DRC11: variants seen among roughly 807,000 people sequenced by gnomAD.
DRC11 encodes IQ and AAA domain-containing protein 1.
the DRC11 span, among the ~76,000 whole-genome samples, chr2:236,407,188 A>C: frequency 7.2e-5 from 11 of 152,234 alleles, no homozygotes; most frequent in African/African-American, 2.4e-4. Context: ...GAAATACAAG[A>C]GATAGGAGAG....
At chr2:236,386,610 C>A in the DRC11 span, among the ~76,000 whole-genome samples, 2 of 152,114 alleles carry the variant, frequency 1.3e-5, no homozygotes, top group Non-Finnish European at 2.9e-5. Context: ...TTTCAAAAAA[C>A]CAGCTCCTGG....
the DRC11 span, among the ~76,000 whole-genome samples, chr2:236,342,570 C>T: frequency 6.6e-6 from 1 of 152,214 alleles, no homozygotes; most frequent in Non-Finnish European, 1.5e-5. The surrounding 1 kb of genome is among the most constrained non-coding windows in gnomAD (Gnocchi z 5.8). Flanking sequence ...ACTCTGCAGC[C>T]CTGCTCCCTG....
the DRC11 span, among the ~76,000 whole-genome samples, chr2:236,498,193 C>T: frequency 6.6e-6 from 1 of 151,290 alleles, no homozygotes; most frequent in African/African-American, 2.4e-5. Context: ...GCAGGCCAGG[C>T]GTGGTGGCTC....
chr2:236,353,961 T>C, the DRC11 span, among the ~76,000 whole-genome samples: 3 of 152,236 alleles, frequency 2.0e-5, no homozygotes, highest in Non-Finnish European at 4.4e-5. The surrounding 1 kb of genome is among the most constrained non-coding windows in gnomAD (Gnocchi z 5.0). Flanking sequence ...TATTTCCTTG[T>C]AATACCTTTT....
At chr2:236,364,782 C>A in the DRC11 span, among the ~76,000 whole-genome samples, 1 of 152,144 alleles carries the variant, frequency 6.6e-6, no homozygotes. Flanking sequence ...TGCGTTCTGT[C>A]ACTTAATGGG....
the DRC11 span, among the ~76,000 whole-genome samples, chr2:236,422,486 A>G: frequency 6.6e-6 from 1 of 152,240 alleles, no homozygotes; most frequent in African/African-American, 2.4e-5. Flanking sequence ...TAGGAATCCA[A>G]CTTACAAGGG....
the DRC11 span, among the ~76,000 whole-genome samples, chr2:236,350,313 C>T: frequency 6.6e-6 from 1 of 152,162 alleles, no homozygotes; most frequent in Non-Finnish European, 1.5e-5. This position sits in a 1 kb window ranked among gnomAD's most constrained non-coding sequence, Gnocchi z 5.2. Flanking sequence ...GAAGGAATTG[C>T]TCTCCCTAGT....
the DRC11 span, among the ~76,000 whole-genome samples, chr2:236,501,322 G>T: frequency 6.6e-6 from 1 of 152,130 alleles, no homozygotes; most frequent in South Asian, 2.1e-4. Flanking sequence ...GGAGAGTTGG[G>T]TGGGGACACA....
the DRC11 span, among the ~76,000 whole-genome samples, chr2:236,451,016 G>C: frequency 6.6e-6 from 1 of 152,136 alleles, no homozygotes; most frequent in Admixed American, 6.6e-5. Context: ...CAGAAACATA[G>C]TCCATTTCTC....
the DRC11 span, among the ~76,000 whole-genome samples, chr2:236,434,594 G>A: frequency 3.9e-5 from 6 of 152,168 alleles, no homozygotes; most frequent in African/African-American, 1.4e-4. This position sits in a 1 kb window ranked among gnomAD's most constrained non-coding sequence, Gnocchi z 5.5. Context: ...CAGGTCTAGT[G>A]TGTGGGGGAA....
the DRC11 span, chr2:236,343,556 G>T: frequency 2.4e-6 from 1 of 421,286 alleles, no homozygotes; most frequent in Non-Finnish European, 4.6e-6. This position sits in a 1 kb window ranked among gnomAD's most constrained non-coding sequence, Gnocchi z 6.6. Context: ...TGTCTGGTGG[G>T]AGAGGGAGTA....
At chr2:236,338,101 A>C in the DRC11 span, 35 of 1,146,218 alleles carry the variant, frequency 3.1e-5, no homozygotes, top group African/African-American at 4.7e-4. Flanking sequence ...GCTCCCCTCA[A>C]CTCATCTGGC....
the DRC11 span, among the ~76,000 whole-genome samples, chr2:236,375,831 A>G: frequency 5.9e-5 from 9 of 152,352 alleles, no homozygotes; most frequent in East Asian, 9.6e-4. This position sits in a 1 kb window ranked among gnomAD's most constrained non-coding sequence, Gnocchi z 4.2. Flanking sequence ...CAGAAGAATG[A>G]TATCTATTCA....
At chr2:236,442,650 C>T in the DRC11 span, among the ~76,000 whole-genome samples, 1 of 152,138 alleles carries the variant, frequency 6.6e-6, no homozygotes, top group Non-Finnish European at 1.5e-5. Flanking sequence ...GAAAACGATG[C>T]TTTGCAGAAT....
chr2:236,377,191 G>A, the DRC11 span: 5 of 1,585,248 alleles, frequency 3.2e-6, no homozygotes, highest in Non-Finnish European at 4.3e-6. The surrounding 1 kb of genome is among the most constrained non-coding windows in gnomAD (Gnocchi z 4.9). Flanking sequence ...TGGTCCTGGG[G>A]AGAAAGCAGA....
the DRC11 span, among the ~76,000 whole-genome samples, chr2:236,449,227 C>T: frequency 2.6e-5 from 4 of 152,136 alleles, no homozygotes; most frequent in Admixed American, 6.5e-5. This position sits in a 1 kb window ranked among gnomAD's most constrained non-coding sequence, Gnocchi z 5.1. Context: ...TGAACCTAAC[C>T]GTATGGGTAC....
chr2:236,344,563 T>A, the DRC11 span: 1 of 1,612,618 alleles, frequency 6.2e-7, no homozygotes, highest in Non-Finnish European at 8.5e-7. Context: ...TCACCATCTT[T>A]TCTGCGTTGG....
At chr2:236,407,874 T>C in the DRC11 span, 1 of 373,416 alleles carries the variant, frequency 2.7e-6, no homozygotes, top group African/African-American at 2.1e-5. Context: ...TGCAATTTGG[T>C]CTTTCTTGAG....
the DRC11 span, among the ~76,000 whole-genome samples, chr2:236,485,987 A>G: frequency 6.6e-6 from 1 of 152,190 alleles, no homozygotes; most frequent in African/African-American, 2.4e-5. Context: ...GGTGGCCCCT[A>G]TAACTTGCTT....
Sources: gnomAD v4.1 joint callset for allele counts (sites outside exome capture counted in the v4.1 genomes callset) on GRCh38, gnomAD v4.1.1 for gene constraint, Gnocchi (gnomAD v3.1) non-coding constraint, MANE v1.5 for transcripts, NCBI Gene and HGNC (gene_info 2026-07-23, HGNC 2026-07-21) for gene names.